The following DOCK4 variants were observed in gnomAD, a reference collection of about 807,000 sequenced individuals.
DOCK4 encodes dedicator of cytokinesis protein 4.
In DOCK4, 97 loss-of-function variants were observed where a neutral mutation model predicts 268.1. That is an observed-to-expected ratio of 0.36 (90% CI 0.31 to 0.43). DOCK4 has a LOEUF of 0.43. Ranked by LOEUF, DOCK4 falls within the 20% of genes least tolerant of loss-of-function variation. The pLI is 1.00. For missense variants in DOCK4, 2,145 were observed against 2,455.7 expected (o/e 0.87, Z 2.67); for synonymous variants, 954 against 887.2 (o/e 1.08, Z -1.34).
chr7:111,878,581 A>G (rs1586248145), intron 16 of DOCK4, among the ~76,000 whole-genome samples: 1 of 152,332 alleles, frequency 6.6e-6, no homozygotes, highest in Admixed American at 6.5e-5. Flanking sequence ...TGAATCTCCA[A>G]CGTCCTCTCC....
chr7:111,804,734 G>C (rs1187622503), intron 30 of DOCK4, among the ~76,000 whole-genome samples: 1 of 151,908 alleles, frequency 6.6e-6, no homozygotes. Flanking sequence ...CAAGTAGCTA[G>C]GATTACAGGC....
chr7:111,915,915 TGA>T lies in DOCK4; in HGVS notation c.1067-13_1067-12del. 1 of 1,608,072 alleles carries T rather than the reference TGA, an allele frequency of 6.2e-7. No homozygotes were observed. Among genetic ancestry groups the T allele is most frequent in the Non-Finnish European group, 8.5e-7 (1 of 1,177,432 alleles). ...AGGAAACTGCTAAACCTAAAACAGA[TGA>T]GAGATACCCGAGTTAAAAACAGAAT... On this transcript the variant is annotated splice_polypyrimidine_tract_variant and intron_variant, in intron 12 of 52. Coordinates refer to ENST00000428084, the MANE Select transcript of DOCK4 (RefSeq NM_001363540.2).
intron 4 of DOCK4, 97 bp downstream of exon 4, chr7:111,998,351 A>G: frequency 4.3e-6 from 4 of 931,880 alleles, no homozygotes; most frequent in Non-Finnish European, 6.3e-6. Context: ...GATCTTCTAC[A>G]GTTCATTTTT....
Position 111,732,251 on chromosome 7 carries a change from G to A in DOCK4, c.5456C>T (p.Ser1819Leu), listed in dbSNP as rs1185157154. ...CTTCAATGGAGATCGCCCGGCAGGC[G>A]AGGGGGATACTGATGTCGTGTGTCT... Reference protein sequence around the residue: ...PARHTTSVSPSPAGRSPLKGS... With the variant: ...PARHTTSVSPLPAGRSPLKGS... Residue 1819 changes from serine (S) to leucine (L), a missense_variant, in exon 52 of 53, where the codon TCG becomes TTG. Physicochemically the swap from Ser to Leu is moderately radical, Grantham distance 145. Around this residue, in one of 2 missense-constraint regions of DOCK4, gnomAD observed 547 missense variants for 469.0 expected, o/e 1.17. Transcript: ENST00000428084. The A allele has an allele frequency of 8.1e-6, 13 of 1,613,906 alleles. No individual in the cohort carries two copies. The highest frequency in any genetic ancestry group is 1.3e-5 in the African/African-American group (1 of 74,940).
At chr7:111,837,735 T>C (rs1803338389) in intron 25 of DOCK4, among the ~76,000 whole-genome samples, 1 of 152,076 alleles carries the variant, frequency 6.6e-6, no homozygotes, top group South Asian at 2.1e-4. Context: ...TGGAGTTAAA[T>C]ACTTAAAAAA....
chr7:111,730,801 G>A (rs897442912), intron 52 of DOCK4, among the ~76,000 whole-genome samples: 1 of 152,158 alleles, frequency 6.6e-6, no homozygotes, highest in Non-Finnish European at 1.5e-5. Context: ...ACATGGCTTC[G>A]AACTGCATAT....
chr7:111,901,202 C>A (rs891252111), intron 14 of DOCK4, among the ~76,000 whole-genome samples: 1 of 151,890 alleles, frequency 6.6e-6, no homozygotes, highest in African/African-American at 2.4e-5. Flanking sequence ...GGCATGGTTA[C>A]GCACGCCTGT....
chr7:112,023,260 A>C (rs1420977147), intron 1 of DOCK4, among the ~76,000 whole-genome samples: 1 of 152,172 alleles, frequency 6.6e-6, no homozygotes, highest in Non-Finnish European at 1.5e-5. Flanking sequence ...TTCATGAATG[A>C]TTTCCAGAGT....
At chr7:111,742,949 G>T (rs573366064) in intron 44 of DOCK4, among the ~76,000 whole-genome samples, 3 of 151,592 alleles carry the variant, frequency 2.0e-5, no homozygotes. Context: ...CCAAGATCAT[G>T]CCACTGCATT....
At chr7:111,948,167 T>A (rs763280721) in intron 8 of DOCK4, among the ~76,000 whole-genome samples, 26 of 152,232 alleles carry the variant, frequency 1.7e-4, no homozygotes, top group Non-Finnish European at 2.4e-4. Context: ...GGACTTTACA[T>A]AAATTATCTC....
chr7:112,122,243 A>AC (rs1812796938), intron 1 of DOCK4, among the ~76,000 whole-genome samples: 1 of 152,150 alleles, frequency 6.6e-6, no homozygotes, highest in Admixed American at 6.5e-5. Context: ...AGTAGTGTTA[A>AC]GTATATTCAT....
chr7:112,148,549 G>A (rs111662719), intron 1 of DOCK4, among the ~76,000 whole-genome samples: 67 of 151,036 alleles, frequency 4.4e-4, no homozygotes, highest in African/African-American at 1.5e-3. Flanking sequence ...ATAAAATCTA[G>A]GGGCCAGTAG....
chr7:111,967,331 C>A (rs1304353379), intron 8 of DOCK4, among the ~76,000 whole-genome samples: 7 of 21,282 alleles, frequency 3.3e-4, no homozygotes, highest in South Asian at 6.6e-3. Context: ...CCCAAAATCT[C>A]CTTAAACTGA....
At chr7:111,787,447 C>T (rs1563504139) in intron 32 of DOCK4, among the ~76,000 whole-genome samples, 1 of 151,988 alleles carries the variant, frequency 6.6e-6, no homozygotes, top group South Asian at 2.1e-4. Flanking sequence ...CATTTAATTA[C>T]CATATCAGAA....
intron 1 of DOCK4, among the ~76,000 whole-genome samples, chr7:112,197,975 A>AT: frequency 6.6e-6 from 1 of 151,274 alleles, no homozygotes; most frequent in Non-Finnish European, 1.5e-5. Context: ...GCCTAGAAAA[A>AT]AAAAAAAAAA....
intron 30 of DOCK4, among the ~76,000 whole-genome samples, chr7:111,800,324 A>T (rs1800182811): frequency 6.6e-6 from 1 of 152,130 alleles, no homozygotes; most frequent in East Asian, 1.9e-4. Context: ...GGAAGCTATA[A>T]AAAAATTAAT....
At chr7:112,066,691 A>ATGTATGTATGTATGTATGTGTGTG (rs1807053188) in intron 1 of DOCK4, among the ~76,000 whole-genome samples, 5 of 6,124 alleles carry the variant, frequency 8.2e-4, no homozygotes, top group Admixed American at 2.6e-3. Context: ...ATACATATAC[A>ATGTATGTATGTATGTATGTGTGTG]TATATATATA....
At chr7:112,095,063 A>C (rs1375097202) in intron 1 of DOCK4, among the ~76,000 whole-genome samples, 2 of 152,136 alleles carry the variant, frequency 1.3e-5, no homozygotes, top group Non-Finnish European at 2.9e-5. Flanking sequence ...CTAATACAGG[A>C]CTTTTATTGT....
At chr7:111,772,808 CA>C (rs1464187149) in intron 36 of DOCK4, among the ~76,000 whole-genome samples, 2 of 151,950 alleles carry the variant, frequency 1.3e-5, no homozygotes, top group Admixed American at 1.3e-4. Flanking sequence ...AAAACAAAAA[CA>C]AAACCCCCCA....
Sources: gnomAD v4.1 joint callset for allele counts (sites outside exome capture counted in the v4.1 genomes callset) on GRCh38, gnomAD v4.1.1 for gene constraint, gnomAD v4.1.1 regional missense constraint, MANE v1.5 for transcripts, NCBI Gene and HGNC (gene_info 2026-07-23, HGNC 2026-07-21) for gene names.